Variants in USH2A observed in about 807,000 individuals in gnomAD.
USH2A encodes the protein usherin, also known as Usher syndrome 2A (autosomal recessive, mild).
Under a neutral mutation model 538.9 loss-of-function variants are expected in USH2A, and 443 were observed. The observed-to-expected ratio is 0.82, with a 90% CI of 0.76 to 0.89. The LOEUF is 0.89. Ranked by LOEUF, USH2A falls within the 40% of genes least tolerant of loss-of-function variation. The pLI is 0.00. For synonymous variants in USH2A, 2,413 were observed against 2,273.5 expected (o/e 1.06, Z -1.75); for missense variants, 6,633 against 6,324.8 (o/e 1.05, Z -1.65).
At chr1:215,894,424 C>A (rs1462266358) in intron 40 of USH2A, among the ~76,000 whole-genome samples, 1 of 152,176 alleles carries the variant, frequency 6.6e-6, no homozygotes, top group Non-Finnish European at 1.5e-5. Context: ...AAGTCCTACT[C>A]TAGAATTATC....
At chr1:216,008,961 A>G (rs1668476092) in intron 32 of USH2A, among the ~76,000 whole-genome samples, 4 of 152,138 alleles carry the variant, frequency 2.6e-5, no homozygotes. Flanking sequence ...CTGGGGGGCA[A>G]GAAACCCCCA....
intron 38 of USH2A, among the ~76,000 whole-genome samples, chr1:215,905,802 A>C (rs1201004950): frequency 6.6e-6 from 1 of 151,966 alleles, no homozygotes; most frequent in African/African-American, 2.4e-5. Flanking sequence ...ACTCTAGCCT[A>C]CCCCAAATTA....
intron 46 of USH2A, among the ~76,000 whole-genome samples, chr1:215,839,744 T>C (rs1367291550): frequency 1.3e-5 from 2 of 152,180 alleles, no homozygotes; most frequent in Non-Finnish European, 2.9e-5. Flanking sequence ...CGATATTGTA[T>C]AACATGTGAA....
At chr1:216,053,646 T>C (rs1490194631) in intron 30 of USH2A, among the ~76,000 whole-genome samples, 3 of 152,064 alleles carry the variant, frequency 2.0e-5, no homozygotes, top group Non-Finnish European at 4.4e-5. Context: ...GTAAGCATTA[T>C]TGATGTCTTA....
In USH2A at chr1:215,888,636, G is replaced by A; in HGVS notation, c.8013C>T (p.Thr2671=). ...RRVKGKEEVT[T]LVTLPRSHSM... is the part of the protein sequence containing the mutation. ...AATGACTCCTCGGGAGAGTCACCAG[G>A]GTAGTAACTTCTTCCTTTCCTTTGA... The change falls in exon 41 of 72, where the codon ACC becomes ACT. Residue 2671 remains threonine, a synonymous_variant. Transcript: ENST00000307340. The A allele has an allele frequency of 6.2e-7, 1 of 1,614,138 alleles. No homozygotes were observed. Among genetic ancestry groups the A allele is most frequent in the Non-Finnish European group, 8.5e-7 (1 of 1,180,004 alleles).
chr1:216,238,396 A>G (rs989251585), intron 13 of USH2A, among the ~76,000 whole-genome samples: 1 of 152,172 alleles, frequency 6.6e-6, no homozygotes, highest in African/African-American at 2.4e-5. Context: ...GCTGAACATT[A>G]TAAGGTCATC....
At chr1:216,220,248 T>C (rs2035429937) in intron 14 of USH2A, among the ~76,000 whole-genome samples, 1 of 151,858 alleles carries the variant, frequency 6.6e-6, no homozygotes, top group Non-Finnish European at 1.5e-5. Context: ...GGGCCTCAGC[T>C]CATGGGTACT....
At chr1:216,240,808 T>C (rs1161622355) in intron 13 of USH2A, among the ~76,000 whole-genome samples, 1 of 152,080 alleles carries the variant, frequency 6.6e-6, no homozygotes, top group Admixed American at 6.6e-5. Context: ...ATTCAGGAAA[T>C]GGAGGATCCA....
intron 11 of USH2A, among the ~76,000 whole-genome samples, chr1:216,269,459 G>A (rs972343965): frequency 2.0e-5 from 3 of 152,086 alleles, no homozygotes; most frequent in Non-Finnish European, 2.9e-5. Flanking sequence ...TCTCAGGTAT[G>A]TCTTTATCAG....
intron 11 of USH2A, among the ~76,000 whole-genome samples, chr1:216,271,524 T>A (rs1046953354): frequency 6.6e-6 from 1 of 152,094 alleles, no homozygotes; most frequent in Admixed American, 6.6e-5. Flanking sequence ...TGTTTTTTCA[T>A]TTTGTCCTAC....
At chr1:216,218,990 ATGTG>A (rs34454018) in intron 14 of USH2A, among the ~76,000 whole-genome samples, 1,638 of 150,250 alleles carry the variant, frequency 0.011, 29 homozygotes, top group African/African-American at 0.037. Flanking sequence ...CTCTCAATGT[ATGTG>A]TGTGTGTGTG....
chr1:216,144,517 T>C (rs372957597), intron 21 of USH2A, among the ~76,000 whole-genome samples: 160 of 152,268 alleles, frequency 1.1e-3, no homozygotes, highest in African/African-American at 3.8e-3. Context: ...TGTTCAGCTA[T>C]CAATATGTAT....
At chr1:215,758,546 C>G (rs1359187686) in intron 58 of USH2A, 49 bp downstream of exon 58, 23 of 1,578,806 alleles carry the variant, frequency 1.5e-5, no homozygotes, top group Non-Finnish European at 8.7e-7. Context: ...CTAATTAATT[C>G]CTTTAAAATG....
chr1:216,120,219 C>CAAAAAAAAAAAAAAAAAAAAAAAAAAAAA (rs10525093), intron 21 of USH2A, among the ~76,000 whole-genome samples: 2 of 100,070 alleles, frequency 2.0e-5, no homozygotes, highest in Non-Finnish European at 3.8e-5. Flanking sequence ...TACTAAATAG[C>CAAAAAAAAAAAAAAAAAAAAAAAAAAAAA]AAAAAAAAAA....
intron 11 of USH2A, among the ~76,000 whole-genome samples, chr1:216,271,390 G>A (rs993874285): frequency 5.9e-5 from 9 of 152,082 alleles, no homozygotes; most frequent in African/African-American, 2.2e-4. Context: ...GTAGTGTGAG[G>A]AGGGGATTGT....
rs1357353066 is a variant in USH2A at position 216,167,565 on chromosome 1, G to A, written c.4627+7687C>T. ...GACATTCAACTTCTCCCAATTGCTG[G>A]CAGACTACTGTACACGTGGACAGCC... On this transcript the variant is annotated intron_variant, in intron 21 of 71. Coordinates refer to ENST00000307340, the MANE Select transcript of USH2A (RefSeq NM_206933.4). Among the ~76,000 whole-genome samples, 3 of 152,156 alleles carry A rather than the reference G, an allele frequency of 2.0e-5. No homozygotes were observed. The South Asian group carries it at 6.2e-4, about 32-fold the overall frequency.
At chr1:215,722,743 A>C (rs1056229344) in intron 61 of USH2A, among the ~76,000 whole-genome samples, 10 of 152,330 alleles carry the variant, frequency 6.6e-5, no homozygotes, top group African/African-American at 2.4e-4. Flanking sequence ...TTGATTCTAC[A>C]CAGAGTGAAG....
At chr1:215,697,111 C>G (rs953693994) in intron 61 of USH2A, among the ~76,000 whole-genome samples, 68 of 137,546 alleles carry the variant, frequency 4.9e-4, no homozygotes, top group African/African-American at 1.6e-3. Context: ...TGCCACCAGG[C>G]CCAGCTAATT....
chr1:216,362,207 T>C (rs1571741181), intron 4 of USH2A, among the ~76,000 whole-genome samples: 2 of 152,160 alleles, frequency 1.3e-5, no homozygotes, highest in East Asian at 1.9e-4. Flanking sequence ...AGAAAACTTA[T>C]ACAACATAAT....
Sources: allele counts gnomAD v4.1 joint callset (sites outside exome capture counted in the v4.1 genomes callset), GRCh38; gene constraint gnomAD v4.1.1; transcripts MANE v1.5; gene names NCBI Gene and HGNC (gene_info 2026-07-23, HGNC 2026-07-21).